Variants in LIPF observed in about 807,000 individuals in gnomAD.
LIPF encodes lipase F, gastric type.
In LIPF, 25 loss-of-function variants were observed where a neutral mutation model predicts 38.0. That is an observed-to-expected ratio of 0.66 (90% CI 0.48 to 0.92). The LOEUF (loss-of-function observed/expected upper bound fraction) is 0.92, where lower values mean the gene tolerates loss of function less well. Among genes scored for constraint, LIPF ranks in the 40% least tolerant of loss-of-function variants. The pLI is 0.00. For synonymous variants in LIPF, 161 were observed against 156.2 expected (o/e 1.03, Z -0.23); for missense variants, 410 against 469.9 (o/e 0.87, Z 1.18).
At chr10:88,673,512 A>C in intron 6 of LIPF, 76 bp from the exon 7 acceptor site, 1 of 1,076,362 alleles carries the variant, frequency 9.3e-7, no homozygotes, top group Non-Finnish European at 1.4e-6. Context: ...CACATGTATA[A>C]GTAGATTAGA....
In LIPF at chr10:88,669,823, C is replaced by T; in HGVS notation, c.423-14C>T. ...GGAAATGTATTCACTTTCATTTTGTCTTTTTCCTTTCAGCTTTGATGAAAT... is the reference window on the plus strand; with the variant it reads ...GGAAATGTATTCACTTTCATTTTGTTTTTTTCCTTTCAGCTTTGATGAAAT... On this transcript the variant is annotated splice_polypyrimidine_tract_variant and intron_variant, in intron 4 of 9. Transcript: ENST00000238983. 5 of 1,560,108 alleles carry T rather than the reference C, an allele frequency of 3.2e-6. No individual in the cohort carries two copies. Among genetic ancestry groups the T allele is most frequent in the Non-Finnish European group, 3.5e-6 (4 of 1,134,772 alleles).
Position 88,667,575 on chromosome 10 carries a change from A to T in LIPF, c.112A>T (p.Met38Leu). 1.3e-6 allele frequency: 2 copies of T among 1,557,002 alleles called. No homozygotes were observed. Among genetic ancestry groups the T allele is most frequent in the East Asian group, 4.5e-5 (2 of 44,470 alleles). The change falls in exon 3 of 10, where the codon ATG becomes TTG. Residue 38 changes from methionine (M) to leucine (L), a missense_variant. By Grantham distance (15) the Met-to-Leu change is conservative. Coordinates refer to ENST00000238983, the MANE Select transcript of LIPF (RefSeq NM_004190.4). Reference protein sequence around the residue: ...SPEVTMNISQMITYWGYPNEE... With the variant: ...SPEVTMNISQLITYWGYPNEE... ...TTTGGGTTTGCTTCCTCAGAGTCAG[A>T]TGATTACTTATTGGGGATACCCAAA...
chr10:88,675,210 A>C (rs1413311668), intron 7 of LIPF, among the ~76,000 whole-genome samples: 2 of 152,166 alleles, frequency 1.3e-5, no homozygotes, highest in Non-Finnish European at 2.9e-5. Flanking sequence ...TGAATATTTA[A>C]CCTACAGCAC....
At chr10:88,672,670 A>ACT (rs60719768) in intron 6 of LIPF, among the ~76,000 whole-genome samples, 2,541 of 110,388 alleles carry the variant, frequency 0.023, 39 homozygotes, top group Non-Finnish European at 0.032. Flanking sequence ...ACACACACAC[A>ACT]CTCTCTCTCT....
At position 88,678,719 on chromosome 10, in the gene LIPF, ATACTT is replaced by A; in HGVS notation, c.*41_*45del. The stretch of plus-strand genomic sequence containing the variant: ...AGAATTATCCGTTTGTTTTTCCAAA[ATACTT>A]TATTCTCTCATACATAGTATTTTCA... On this transcript the variant is annotated 3_prime_UTR_variant, in exon 10 of 10. Transcript: ENST00000238983. 7.3e-7 allele frequency: 1 copy of A among 1,367,048 alleles called. No individual in the cohort carries two copies. The highest frequency in any genetic ancestry group is 1.0e-6 in the Non-Finnish European group (1 of 959,514). The allele number at this position is 1,367,048 out of a possible 1,614,324, so 84.7% of individuals were successfully genotyped here.
Position 88,678,647 on chromosome 10 carries a change from A to G in LIPF, c.1163A>G (p.Asp388Gly), listed in dbSNP as rs1841726481. The G allele has an allele frequency of 6.2e-7, 1 of 1,611,908 alleles. No individual in the cohort carries two copies. The highest frequency in any genetic ancestry group is 8.5e-7 in the Non-Finnish European group (1 of 1,177,980). Reference sequence around the variant, plus strand: ...GATGCCCCTCAAGAAGTTTACAATGACATTGTTTCTATGATATCAGAAGAT... The same window carrying G: ...GATGCCCCTCAAGAAGTTTACAATGGCATTGTTTCTATGATATCAGAAGAT... The part of the protein sequence containing the change: ...AMDAPQEVYN[D>G]IVSMISEDKK Residue 388 changes from aspartate (D) to glycine (G), a missense_variant, in exon 10 of 10, where the codon GAC (aspartate) becomes GGC (glycine). Transcript: ENST00000238983.
chr10:88,676,462 T>C (rs1175922374), intron 9 of LIPF, among the ~76,000 whole-genome samples, 182 bp downstream of exon 9: 1 of 152,206 alleles, frequency 6.6e-6, no homozygotes. Flanking sequence ...TAAAGAGGTT[T>C]ACAAAGCTGC....
chr10:88,666,113 C>T (rs1045450165), intron 1 of LIPF, among the ~76,000 whole-genome samples: 3 of 152,132 alleles, frequency 2.0e-5, no homozygotes, highest in African/African-American at 7.2e-5. Context: ...ACCAGAGGGT[C>T]AGATTTAGGC....
intron 9 of LIPF, 148 bp downstream of exon 9, chr10:88,676,428 C>G: frequency 1.6e-6 from 1 of 615,886 alleles, no homozygotes; most frequent in Non-Finnish European, 2.9e-6. Context: ...ACTATGCATT[C>G]CTGCTCTGGT....
At position 88,667,345 on chromosome 10, in the gene LIPF, T is replaced by C; in HGVS notation, c.48T>C (p.Thr16=). ...TMASLISVLG[T]THGLFGKLHP... ...CAAGTTTGATATCTGTACTGGGGAC[T>C]ACACATGGTTTGTTTGGAAAATTAC... is the stretch of plus-strand genomic sequence containing the variant. The change falls in exon 2 of 10, where the codon ACT becomes ACC. Residue 16 remains threonine, a synonymous_variant. Coordinates refer to ENST00000238983, the MANE Select transcript of LIPF (RefSeq NM_004190.4). 6.2e-7 allele frequency: 1 copy of C among 1,613,664 alleles called. No homozygotes were observed. The highest frequency in any genetic ancestry group is 1.7e-5 in the Admixed American group (1 of 60,008).
chr10:88,672,558 CAT>C (rs1048800771), intron 6 of LIPF, among the ~76,000 whole-genome samples: 7 of 151,808 alleles, frequency 4.6e-5, no homozygotes, highest in African/African-American at 1.5e-4. Flanking sequence ...AGTAGGCACA[CAT>C]GTTATGGAAT....
chr10:88,668,430 T>C, intron 3 of LIPF, 128 bp from the exon 4 acceptor site: 1 of 806,262 alleles, frequency 1.2e-6, no homozygotes, highest in South Asian at 2.0e-5. Context: ...CGATAAGATA[T>C]TCAAAAATAA....
intron 8 of LIPF, 93 bp from the exon 9 acceptor site, chr10:88,676,116 T>G (rs1841682276): frequency 1.4e-6 from 1 of 698,480 alleles, no homozygotes; most frequent in Non-Finnish European, 2.3e-6. Context: ...TAATAATTGT[T>G]TAAATTGAAA....
At chr10:88,665,671 G>A (rs1841500495) in intron 1 of LIPF, 6 of 654,916 alleles carry the variant, frequency 9.2e-6, no homozygotes, top group Non-Finnish European at 1.3e-5. Flanking sequence ...CTACTGGTTA[G>A]TCTTTATATA....
chr10:88,667,060 A>G (rs1841522402), intron 1 of LIPF, among the ~76,000 whole-genome samples: 1 of 152,222 alleles, frequency 6.6e-6, no homozygotes, highest in Admixed American at 6.5e-5. Context: ...AAGGAATCAA[A>G]CAGTGAAAAC....
At position 88,665,737 on chromosome 10, in the gene LIPF, A is replaced by ATTT. The variant is rs68081693; in HGVS notation, c.-12+1268_-12+1270dup. On this transcript the variant is annotated intron_variant, in intron 1 of 9. Coordinates refer to ENST00000238983, the MANE Select transcript of LIPF (RefSeq NM_004190.4). ...AAAAACAAGGCTTAGTTAAAAACTG[A>ATTT]TTTTTTTTTTTTTTTTTTTTTTTTG... is the stretch of plus-strand genomic sequence containing the variant. Among the ~76,000 whole-genome samples the ATTT allele has an allele frequency of 4.1e-3, 406 of 100,226 alleles. 5 individuals carry two copies. Among genetic ancestry groups the ATTT allele is most frequent in the Middle Eastern group, 6.9e-3 (1 of 144 alleles). The allele number at this position is 100,226 out of a possible 152,430, so 65.8% of individuals were successfully genotyped here. A position where few individuals can be genotyped will look rare whatever the true frequency, so the allele number is the denominator to read the frequency against.
At chr10:88,664,905 A>G (rs1332804545) in intron 1 of LIPF, among the ~76,000 whole-genome samples, 1 of 152,230 alleles carries the variant, frequency 6.6e-6, no homozygotes, top group Non-Finnish European at 1.5e-5. Flanking sequence ...ATCCAAATCA[A>G]CTGCTGTTGA....
chr10:88,670,224 C>A (rs962520579), intron 5 of LIPF, among the ~76,000 whole-genome samples: 3 of 152,166 alleles, frequency 2.0e-5, no homozygotes, highest in African/African-American at 7.2e-5. Flanking sequence ...AGCCACTGAC[C>A]TAAGTTTATT....
At chr10:88,665,348 T>C (rs1841495111) in intron 1 of LIPF, 2 of 520,588 alleles carry the variant, frequency 3.8e-6, no homozygotes. Flanking sequence ...AGAAATGTAC[T>C]ATTACAGGCC....
Sources: allele counts gnomAD v4.1 joint callset (sites outside exome capture counted in the v4.1 genomes callset), GRCh38; gene constraint gnomAD v4.1.1; transcripts MANE v1.5; gene names NCBI Gene and HGNC (gene_info 2026-07-23, HGNC 2026-07-21).